VPS13B: variants seen among roughly 807,000 people sequenced by gnomAD.
VPS13B encodes vacuolar protein sorting 13 homolog B.
Under a neutral mutation model 426.4 loss-of-function variants are expected in VPS13B, and 285 were observed. The ratio of observed to expected loss-of-function variants is 0.67; its 90% CI spans 0.61 to 0.74. VPS13B has a LOEUF of 0.74. VPS13B is among the 30% of genes least tolerant of loss of function. The probability of loss-of-function intolerance (pLI) is 0.00; values close to 1 mark genes in which losing one functional copy is unlikely to be tolerated. For synonymous variants in VPS13B, 1,676 were observed against 1,676.4 expected, an observed-to-expected ratio of 1.00 and a Z score of 0.01; for missense variants, 4,537 against 4,782.6, an observed-to-expected ratio of 0.95 and a Z score of 1.51.
chr8:99,297,006 T>A (rs1563653109), intron 19 of VPS13B, among the ~76,000 whole-genome samples: 2 of 150,502 alleles, frequency 1.3e-5, no homozygotes, highest in South Asian at 2.1e-4. Flanking sequence ...ATTTGTGTAT[T>A]TATATATATA....
chr8:99,590,763 G>GC (rs1378968474), intron 33 of VPS13B, among the ~76,000 whole-genome samples: 2 of 152,110 alleles, frequency 1.3e-5, no homozygotes, highest in African/African-American at 4.8e-5. Context: ...CAATTATGTG[G>GC]TTAATTTTAG....
At chr8:99,025,308 G>A (rs1269784999) in intron 2 of VPS13B, among the ~76,000 whole-genome samples, 3 of 151,938 alleles carry the variant, frequency 2.0e-5, no homozygotes, top group East Asian at 1.9e-4. Context: ...ACTCTGGCTG[G>A]GACTTCAGTA....
At chr8:99,513,658 G>T (rs530999805) in intron 29 of VPS13B, among the ~76,000 whole-genome samples, 1 of 152,000 alleles carries the variant, frequency 6.6e-6, no homozygotes, top group South Asian at 2.1e-4. Flanking sequence ...TTAATTTAGG[G>T]TTTCCTTCTT....
At chr8:99,315,787 C>G (rs182867759) in intron 19 of VPS13B, among the ~76,000 whole-genome samples, 6 of 152,212 alleles carry the variant, frequency 3.9e-5, no homozygotes, top group Non-Finnish European at 7.4e-5. Flanking sequence ...CGGGCGCCTG[C>G]CACCGCGCCC....
At chr8:99,377,890 G>A (rs1813574844) in intron 19 of VPS13B, among the ~76,000 whole-genome samples, 1 of 152,132 alleles carries the variant, frequency 6.6e-6, no homozygotes, top group Non-Finnish European at 1.5e-5. Context: ...AGAAGGTCAG[G>A]GTGAGATCAC....
chr8:99,467,347 T>C, intron 23 of VPS13B, 67 bp from the exon 24 acceptor site: 25 of 1,450,446 alleles, frequency 1.7e-5, no homozygotes, highest in Non-Finnish European at 2.4e-5. Flanking sequence ...TACATTTTAC[T>C]ATCAAGTGAA....
intron 35 of VPS13B, among the ~76,000 whole-genome samples, chr8:99,664,953 A>G (rs972774914): frequency 1.1e-4 from 17 of 152,222 alleles, no homozygotes; most frequent in Non-Finnish European, 2.1e-4. Flanking sequence ...AACTGTTCCT[A>G]TTTCTCCACA....
intron 17 of VPS13B, among the ~76,000 whole-genome samples, chr8:99,202,309 C>G (rs1168293877): frequency 6.6e-6 from 1 of 152,106 alleles, no homozygotes; most frequent in Non-Finnish European, 1.5e-5. Flanking sequence ...CATTTGTGCC[C>G]TGTTAATGTA....
At chr8:99,265,168 C>T (rs1458109865) in intron 17 of VPS13B, among the ~76,000 whole-genome samples, 3 of 152,024 alleles carry the variant, frequency 2.0e-5, no homozygotes, top group Admixed American at 6.6e-5. Context: ...ACCCCATGTT[C>T]CTTTTATTAT....
chr8:99,243,009 T>C (rs1288419305), intron 17 of VPS13B, among the ~76,000 whole-genome samples: 2 of 152,216 alleles, frequency 1.3e-5, no homozygotes, highest in African/African-American at 4.8e-5. Flanking sequence ...CTTTTAGCAT[T>C]GTCCCTTAGC....
Position 99,868,466 on chromosome 8 carries a change from G to T in VPS13B, c.11392+1G>T, listed in dbSNP as rs1554587021. 1 of 1,608,474 alleles carries T rather than the reference G, an allele frequency of 6.2e-7. No homozygotes were observed. Among genetic ancestry groups the T allele is most frequent in the Non-Finnish European group, 8.5e-7 (1 of 1,177,456 alleles). ...GAGCTGGTGTCACAGACTGGCTATG[G>T]TAAGTCGGTGGAAAACCCATCAGGC... On this transcript the variant is annotated splice_donor_variant, in intron 59 of 61. Coordinates refer to ENST00000357162, the MANE Select transcript of VPS13B (RefSeq NM_152564.5). LOFTEE classifies it high-confidence loss of function.
chr8:99,825,422 G>T (rs1814624471), intron 51 of VPS13B, among the ~76,000 whole-genome samples: 1 of 151,982 alleles, frequency 6.6e-6, no homozygotes, highest in Admixed American at 6.6e-5. Context: ...GATGGGGTTG[G>T]TTGGTTTTTT....
intron 19 of VPS13B, among the ~76,000 whole-genome samples, chr8:99,354,163 T>C (rs1812051108): frequency 6.6e-6 from 1 of 151,742 alleles, no homozygotes; most frequent in African/African-American, 2.4e-5. Flanking sequence ...TTTGGAAATA[T>C]TTGATTCAAG....
chr8:99,576,998 A>G (rs1190069814), intron 32 of VPS13B, among the ~76,000 whole-genome samples: 1 of 152,118 alleles, frequency 6.6e-6, no homozygotes, highest in South Asian at 2.1e-4. Context: ...GTCTGTTTAC[A>G]TCTGTCTGCC....
chr8:99,317,287 GT>G (rs1364768912), intron 19 of VPS13B, among the ~76,000 whole-genome samples: 1 of 152,028 alleles, frequency 6.6e-6, no homozygotes, highest in African/African-American at 2.4e-5. Flanking sequence ...ACAGTGTGAT[GT>G]TTCAATACAT....
chr8:99,759,024 C>T (rs972903387), intron 39 of VPS13B, among the ~76,000 whole-genome samples: 23 of 152,106 alleles, frequency 1.5e-4, no homozygotes, highest in African/African-American at 5.3e-4. Flanking sequence ...TTCTCATTTT[C>T]TCTAATTATA....
intron 3 of VPS13B, among the ~76,000 whole-genome samples, chr8:99,042,221 T>A (rs1587952387): frequency 6.6e-6 from 1 of 152,194 alleles, no homozygotes; most frequent in East Asian, 1.9e-4. Context: ...ACTTGTAGTT[T>A]CACTCCAGAT....
intron 29 of VPS13B, among the ~76,000 whole-genome samples, chr8:99,517,557 AAG>A (rs1199282614): frequency 6.6e-6 from 1 of 152,184 alleles, no homozygotes; most frequent in African/African-American, 2.4e-5. Context: ...ATGATATTGA[AAG>A]TCTGCTTTTC....
chr8:99,422,991 G>A (rs1304347382), intron 21 of VPS13B, among the ~76,000 whole-genome samples: 1 of 152,142 alleles, frequency 6.6e-6, no homozygotes, highest in African/African-American at 2.4e-5. Flanking sequence ...AGTCATACCT[G>A]TAATTGTACC....
Sources: gnomAD v4.1 joint callset for allele counts (sites outside exome capture counted in the v4.1 genomes callset) on GRCh38, gnomAD v4.1.1 for gene constraint, MANE v1.5 for transcripts, NCBI Gene and HGNC (gene_info 2026-07-23, HGNC 2026-07-21) for gene names.